Variants in RAB6A observed in about 807,000 individuals in gnomAD.
RAB6A encodes the protein RAB6A, member RAS oncogene family, also known as ras-related protein Rab-6A.
RAB6A carries 8 observed loss-of-function variants against 32.3 expected under a neutral mutation model. The ratio of observed to expected loss-of-function variants is 0.25; its 90% CI spans 0.15 to 0.45. RAB6A has a LOEUF of 0.45. Among genes scored for constraint, RAB6A ranks in the 20% least tolerant of loss-of-function variants. The probability of loss-of-function intolerance (pLI) is 1.00; values close to 1 mark genes in which losing one functional copy is unlikely to be tolerated. For missense variants in RAB6A, 104 were observed against 249.4 expected, an observed-to-expected ratio of 0.42 and a Z score of 3.93; for synonymous variants, 73 against 82.1, an observed-to-expected ratio of 0.89 and a Z score of 0.60.
intron 7 of RAB6A, among the ~76,000 whole-genome samples, chr11:73,679,369 A>G (rs1945318395): frequency 6.6e-6 from 1 of 152,242 alleles, no homozygotes; most frequent in Admixed American, 6.5e-5. Context: ...AATGGGACTC[A>G]AAATGAAGAG....
chr11:73,739,506 CTTG>C lies in RAB6A; in HGVS notation c.71-8686_71-8684del, dbSNP rs201662050. Among the ~76,000 whole-genome samples, 988 of 150,384 alleles carry C rather than the reference CTTG, an allele frequency of 6.6e-3. 14 individuals are homozygous for C. The highest frequency in any genetic ancestry group is 0.023 in the African/African-American group (944 of 41,024). On this transcript the variant is annotated intron_variant, in intron 1 of 7. Coordinates refer to ENST00000336083, the MANE Select transcript of RAB6A (RefSeq NM_198896.2). The stretch of plus-strand genomic sequence containing the variant: ...ATTTTTTATTTTTTTGAATCAGGGT[CTTG>C]TTCTGTCTCAGGCTGGAGTGCAGTG...
chr11:73,709,437 ATAT>A (rs3046615), intron 5 of RAB6A, among the ~76,000 whole-genome samples: 2 of 137,134 alleles, frequency 1.5e-5, no homozygotes, highest in African/African-American at 5.3e-5. Context: ...CTCCTTAAGT[ATAT>A]TATTATTATT....
chr11:73,739,440 G>A (rs1946460616), intron 1 of RAB6A, among the ~76,000 whole-genome samples: 2 of 149,270 alleles, frequency 1.3e-5, no homozygotes. Flanking sequence ...CCAAATGCTG[G>A]GATGAGTCAT....
intron 6 of RAB6A, among the ~76,000 whole-genome samples, chr11:73,692,173 T>G (rs1454045117): frequency 6.6e-6 from 1 of 152,008 alleles, no homozygotes; most frequent in African/African-American, 2.4e-5. Flanking sequence ...GCAATACTTA[T>G]GCCCACTGAA....
At chr11:73,710,421 A>G (rs979139391) in intron 5 of RAB6A, among the ~76,000 whole-genome samples, 8 of 151,742 alleles carry the variant, frequency 5.3e-5, no homozygotes, top group Non-Finnish European at 1.2e-4. Flanking sequence ...ATCCAACATC[A>G]TCACCAACAT....
intron 6 of RAB6A, among the ~76,000 whole-genome samples, chr11:73,702,909 T>C (rs1415949920): frequency 1.3e-5 from 2 of 151,922 alleles, no homozygotes; most frequent in South Asian, 4.2e-4. Context: ...CAGGCTGGAG[T>C]GCAGTGGTGT....
chr11:73,694,114 T>A (rs1024029591), intron 6 of RAB6A, among the ~76,000 whole-genome samples: 32 of 152,102 alleles, frequency 2.1e-4, no homozygotes, highest in Non-Finnish European at 4.4e-5. Context: ...TCAACTGATG[T>A]GGGGTGGGGC....
chr11:73,698,044 A>T (rs1235901020), intron 6 of RAB6A, among the ~76,000 whole-genome samples: 1 of 151,988 alleles, frequency 6.6e-6, no homozygotes, highest in Non-Finnish European at 1.5e-5. Flanking sequence ...ACATGGCAAA[A>T]CTCCATCTCT....
chr11:73,726,559 G>C (rs1946224626), intron 2 of RAB6A, among the ~76,000 whole-genome samples: 1 of 117,598 alleles, frequency 8.5e-6, no homozygotes, highest in Non-Finnish European at 1.6e-5. Flanking sequence ...TCCAGCCTGG[G>C]TGACAGAGTG....
intron 1 of RAB6A, among the ~76,000 whole-genome samples, chr11:73,732,615 C>T (rs1341507745): frequency 2.0e-5 from 3 of 151,894 alleles, no homozygotes; most frequent in Non-Finnish European, 2.9e-5. Context: ...ATAAATCAGC[C>T]GGGCGTGGGG....
At chr11:73,694,020 AT>A (rs1945618263) in intron 6 of RAB6A, among the ~76,000 whole-genome samples, 1 of 152,184 alleles carries the variant, frequency 6.6e-6, no homozygotes, top group Non-Finnish European at 1.5e-5. Flanking sequence ...GTGGTTCTCA[AT>A]ACCTATGCGG....
chr11:73,709,745 T>C (rs1326435139), intron 5 of RAB6A, among the ~76,000 whole-genome samples: 1 of 149,526 alleles, frequency 6.7e-6, no homozygotes, highest in East Asian at 1.9e-4. Context: ...TCATTCCTCC[T>C]GGTTTAAATC....
At chr11:73,725,817 G>C (rs561085501) in intron 2 of RAB6A, among the ~76,000 whole-genome samples, 1 of 152,236 alleles carries the variant, frequency 6.6e-6, no homozygotes, top group South Asian at 2.1e-4. Context: ...AGCTAAAAAA[G>C]GAGAAAGGTA....
intron 6 of RAB6A, among the ~76,000 whole-genome samples, chr11:73,694,956 CAGTG>C (rs1945633520): frequency 6.6e-6 from 1 of 152,188 alleles, no homozygotes; most frequent in African/African-American, 2.4e-5. Context: ...ATTGAGGTAA[CAGTG>C]AGCTGAGATC....
intron 6 of RAB6A, among the ~76,000 whole-genome samples, chr11:73,699,667 T>C (rs930171910): frequency 3.9e-5 from 6 of 152,204 alleles, no homozygotes; most frequent in Admixed American, 3.3e-4. Flanking sequence ...TTCATGAGAA[T>C]GTGACTCTTC....
At chr11:73,707,395 A>G (rs781488458) in intron 6 of RAB6A, 25 bp downstream of exon 6, 19 of 1,524,444 alleles carry the variant, frequency 1.2e-5, no homozygotes, top group African/African-American at 1.4e-5. Flanking sequence ...TATTTTTTCA[A>G]TTTGGTAACC....
At chr11:73,689,224 A>C (rs1369614941) in intron 6 of RAB6A, among the ~76,000 whole-genome samples, 1 of 152,184 alleles carries the variant, frequency 6.6e-6, no homozygotes, top group African/African-American at 2.4e-5. Flanking sequence ...TTCCTGTAAG[A>C]CAATTTTTCC....
At chr11:73,721,953 C>T (rs1173625839) in intron 2 of RAB6A, among the ~76,000 whole-genome samples, 2 of 152,012 alleles carry the variant, frequency 1.3e-5, no homozygotes, top group African/African-American at 2.4e-5. Flanking sequence ...TGAGTTCTCA[C>T]GAGATCTGAT....
chr11:73,712,586 G>A (rs1265204167), intron 5 of RAB6A, among the ~76,000 whole-genome samples: 1 of 151,250 alleles, frequency 6.6e-6, no homozygotes, highest in Admixed American at 6.6e-5. Flanking sequence ...CCTGACCTCA[G>A]GTAATCCACC....
Sources: allele counts gnomAD v4.1 joint callset (sites outside exome capture counted in the v4.1 genomes callset), GRCh38; gene constraint gnomAD v4.1.1; transcripts MANE v1.5; gene names NCBI Gene and HGNC (gene_info 2026-07-23, HGNC 2026-07-21).